Variants in CSNK1E observed in about 807,000 individuals in gnomAD.
The protein encoded by CSNK1E is casein kinase I isoform epsilon.
Under a neutral mutation model 46.1 loss-of-function variants are expected in CSNK1E, and 17 were observed. That is an observed-to-expected ratio of 0.37 (90% CI 0.25 to 0.55). The LOEUF (loss-of-function observed/expected upper bound fraction) is 0.55. Ranked by LOEUF, CSNK1E falls within the 20% of genes least tolerant of loss-of-function variation. CSNK1E has a pLI of 0.82. For missense variants in CSNK1E, 386 were observed against 595.4 expected (o/e 0.65, Z 3.66); for synonymous variants, 241 against 242.6 (o/e 0.99, Z 0.06).
At chr22:38,314,259 C>T (rs1602565037) in intron 1 of CSNK1E, 90 bp from the exon 2 acceptor site, 1 of 963,300 alleles carries the variant, frequency 1.0e-6, no homozygotes, top group East Asian at 2.6e-5. Context: ...CCACCAGGAA[C>T]TCGAAAACCT....
intron 7 of CSNK1E, chr22:38,296,623 C>T (rs1569076009): frequency 6.8e-6 from 11 of 1,612,838 alleles, no homozygotes; most frequent in Non-Finnish European, 9.3e-6. Flanking sequence ...CCAGGGCCTG[C>T]CTCAAGAGGG....
Position 38,300,803 on chromosome 22 carries a change from G to T in CSNK1E, c.486C>A (p.His162Gln), listed in dbSNP as rs1261710558. ...TGTTTTCCCGGTAGGGAATGTGCTG[G>T]TGGGTGCGGGCGTCCCGGTACTTCT... Reference protein sequence around the residue: ...LAKKYRDARTHQHIPYRENKN... With the variant: ...LAKKYRDARTQQHIPYRENKN... The change falls in exon 5 of 11, where the codon CAC (histidine) becomes CAA (glutamine). Residue 162 changes from histidine (H) to glutamine (Q), a missense_variant. Transcript: ENST00000396832. The surrounding 1 kb of genome is among the most constrained non-coding windows in gnomAD (Gnocchi z 4.4). The T allele has an allele frequency of 6.2e-7, 1 of 1,614,152 alleles. No homozygotes were observed. The highest frequency in any genetic ancestry group is 8.5e-7 in the Non-Finnish European group (1 of 1,180,056).
At position 38,300,071 on chromosome 22, in the gene CSNK1E, C is replaced by A; in HGVS notation, c.566-6G>T. The A allele has an allele frequency of 6.2e-7, 1 of 1,612,950 alleles. No homozygotes were observed. Among genetic ancestry groups the A allele is most frequent in the Non-Finnish European group, 8.5e-7 (1 of 1,179,438 alleles). On this transcript the variant is annotated splice_polypyrimidine_tract_variant and splice_region_variant and intron_variant, in intron 5 of 10. Coordinates refer to ENST00000396832, the MANE Select transcript of CSNK1E (RefSeq NM_152221.3). This position sits in a 1 kb window ranked among gnomAD's most constrained non-coding sequence, Gnocchi z 4.4. ...GTCATCTCGACGGCTTTGCTCTGCA[C>A]AGAGAGTCAAAGACTAGGTGAGGGA...
chr22:38,307,581 T>C (rs1463212060), intron 2 of CSNK1E, among the ~76,000 whole-genome samples: 3 of 152,136 alleles, frequency 2.0e-5, no homozygotes, highest in Non-Finnish European at 2.9e-5. Flanking sequence ...AGGATGCGCG[T>C]AGCTTATATA....
rs958543571 is a variant in CSNK1E at position 38,298,137 on chromosome 22, G to A, written c.885+649C>T. ...GTGGGCCCAGCACAGGGACAGGGGC[G>A]GGGACAGAAAGGTCCCTTCGCTGTC... On this transcript the variant is annotated intron_variant, in intron 7 of 10. Coordinates refer to ENST00000396832, the MANE Select transcript of CSNK1E (RefSeq NM_152221.3). The surrounding 1 kb of genome is among the most constrained non-coding windows in gnomAD (Gnocchi z 4.2). 4.2e-5 allele frequency: 54 copies of A among 1,294,984 alleles called. No individual in the cohort carries two copies. The highest frequency in any genetic ancestry group is 1.1e-4 in the East Asian group (2 of 17,934). 80.2% of individuals were successfully genotyped at this position (1,294,984 alleles called of 1,614,324 possible). A position where few individuals can be genotyped will look rare whatever the true frequency, so the allele number is the denominator to read the frequency against.
Position 38,303,929 on chromosome 22 carries a change from C to G in CSNK1E, c.77-681G>C, listed in dbSNP as rs904329057. ...GGTCAGAGGTCCTGCCTGCACCTCC[C>G]CGTCTCCCCCAGTCCACTCCTGGCT... is the stretch of plus-strand genomic sequence containing the variant. On this transcript the variant is annotated intron_variant, in intron 2 of 10. Transcript: ENST00000396832. The surrounding 1 kb of genome is among the most constrained non-coding windows in gnomAD (Gnocchi z 4.7). Among the ~76,000 whole-genome samples, 1 of 152,170 alleles carries G rather than the reference C, an allele frequency of 6.6e-6. No homozygotes were observed. Among genetic ancestry groups the G allele is most frequent in the African/African-American group, 2.4e-5 (1 of 41,432 alleles).
intron 4 of CSNK1E, among the ~76,000 whole-genome samples, 176 bp downstream of exon 4, chr22:38,302,685 T>C (rs1297396113): frequency 6.6e-6 from 1 of 152,210 alleles, no homozygotes; most frequent in East Asian, 1.9e-4. Context: ...CGCTCCAGCC[T>C]GGGCGACAGA....
chr22:38,292,939 C>T, intron 10 of CSNK1E: 1 of 383,376 alleles, frequency 2.6e-6, no homozygotes, highest in South Asian at 2.5e-5. Context: ...GCCCATGGCC[C>T]CGTCTCTGCT....
chr22:38,293,190 T>G, intron 10 of CSNK1E, 65 bp downstream of exon 10: 4 of 1,318,522 alleles, frequency 3.0e-6, no homozygotes, highest in Non-Finnish European at 4.4e-6. Flanking sequence ...ATTGGTCTCT[T>G]TCTGGGGCCC....
At chr22:38,297,723 C>T (rs1474862973) in intron 7 of CSNK1E, 1 of 995,418 alleles carries the variant, frequency 1.0e-6, no homozygotes, top group Non-Finnish European at 1.2e-6. Flanking sequence ...GGCCACCATC[C>T]CTCCCTCAGG....
intron 1 of CSNK1E, chr22:38,316,798 A>G (rs1014743215): frequency 2.6e-5 from 4 of 151,962 alleles, no homozygotes; most frequent in Non-Finnish European, 5.9e-5. Context: ...CCGAATCAAC[A>G]GTATCCGGCG....
chr22:38,293,450 C>T, intron 9 of CSNK1E, 131 bp from the exon 10 acceptor site: 2 of 626,180 alleles, frequency 3.2e-6, no homozygotes, highest in Admixed American at 2.9e-5. Flanking sequence ...CCCCCACCCC[C>T]ACCTCCAGGC....
intron 4 of CSNK1E, 107 bp downstream of exon 4, chr22:38,302,754 G>A (rs2092679709): frequency 7.6e-7 from 1 of 1,316,812 alleles, no homozygotes; most frequent in African/African-American, 1.5e-5. Context: ...AGTGGACAAG[G>A]TCCCCTGGCC....
In CSNK1E at chr22:38,294,222, G is replaced by A. The variant is rs756435541; in HGVS notation, c.1105C>T (p.Arg369Trp). The A allele has an allele frequency of 3.1e-6, 5 of 1,612,350 alleles. No homozygotes were observed. Among genetic ancestry groups the A allele is most frequent in the East Asian group, 4.5e-5 (2 of 44,872 alleles). The part of the protein sequence containing the change: ...AGNTSPRAIS[R>W]VDRERKVSMR... ...CTCACCTTCCTCTCCCGGTCGACCCGCGAGATCGCTCTGGGAGAAGTATTG... is the reference window on the plus strand; with the variant it reads ...CTCACCTTCCTCTCCCGGTCGACCCACGAGATCGCTCTGGGAGAAGTATTG... Residue 369 changes from arginine to tryptophan, a missense_variant, in exon 9 of 11, where the codon CGG becomes TGG. This residue lies in a region of CSNK1E where 174 missense variants were observed against 185.2 expected (regional missense o/e 0.94). Coordinates refer to ENST00000396832, the MANE Select transcript of CSNK1E (RefSeq NM_152221.3). This position sits in a 1 kb window ranked among gnomAD's most constrained non-coding sequence, Gnocchi z 5.5.
intron 7 of CSNK1E, chr22:38,297,284 C>G: frequency 1.6e-6 from 1 of 632,130 alleles, no homozygotes; most frequent in South Asian, 1.8e-5. Flanking sequence ...GTGGAAAGAG[C>G]TGGTCCCAGG....
intron 2 of CSNK1E, among the ~76,000 whole-genome samples, chr22:38,311,146 G>A (rs116129936): frequency 1.3e-5 from 2 of 152,216 alleles, no homozygotes; most frequent in African/African-American, 2.4e-5. Flanking sequence ...GGGGCGCAGC[G>A]CACAGCACTA....
At position 38,298,933 on chromosome 22, in the gene CSNK1E, G is replaced by A. The variant is rs140218726; in HGVS notation, c.738C>T (p.Ser246=). ...PIEVLCKGYP[S]EFSTYLNFCR... ...AGAAGTTGAGGTATGTTGAGAATTC[G>A]GCTGGAGGGTGTTGCAGAGGATAGA... Residue 246 remains serine (S), a splice_region_variant and synonymous_variant, in exon 7 of 11, where the codon TCC becomes TCT. Coordinates refer to ENST00000396832, the MANE Select transcript of CSNK1E (RefSeq NM_152221.3). The surrounding 1 kb of genome is among the most constrained non-coding windows in gnomAD (Gnocchi z 4.2). The A allele has an allele frequency of 2.2e-5, 36 of 1,614,024 alleles. 1 individual carries two copies. The highest frequency in any genetic ancestry group is 9.3e-5 in the African/African-American group (7 of 74,918).
Position 38,294,292 on chromosome 22 carries a change from G to C in CSNK1E, c.1079-44C>G, listed in dbSNP as rs2092627932. ...GCCACCCTCAGAGTAGGCACAAACA[G>C]AGCCCCCCACCCACCCTGAACCCAG... On this transcript the variant is annotated intron_variant, in intron 8 of 10. Coordinates refer to ENST00000396832, the MANE Select transcript of CSNK1E (RefSeq NM_152221.3). The surrounding 1 kb of genome is among the most constrained non-coding windows in gnomAD (Gnocchi z 5.5). The C allele has an allele frequency of 6.2e-7, 1 of 1,601,134 alleles. No individual in the cohort carries two copies. The highest frequency in any genetic ancestry group is 1.1e-5 in the South Asian group (1 of 90,324).
At position 38,294,760 on chromosome 22, in the gene CSNK1E, A is replaced by G. The variant is rs752843091; in HGVS notation, c.886-226T>C. Among the ~76,000 whole-genome samples, 1 of 152,216 alleles carries G rather than the reference A, an allele frequency of 6.6e-6. No individual in the cohort carries two copies. Among genetic ancestry groups the G allele is most frequent in the African/African-American group, 2.4e-5 (1 of 41,460 alleles). ...AAGGAGAAAGCAGGAGTCTGGGGGC[A>G]GAGGGAGGTCAGTCTGCCCTGCTCT... is the stretch of plus-strand genomic sequence containing the variant. On this transcript the variant is annotated intron_variant, in intron 7 of 10. Coordinates refer to ENST00000396832, the MANE Select transcript of CSNK1E (RefSeq NM_152221.3). The surrounding 1 kb of genome is among the most constrained non-coding windows in gnomAD (Gnocchi z 5.5).
Sources: gnomAD v4.1 joint callset for allele counts (sites outside exome capture counted in the v4.1 genomes callset) on GRCh38, gnomAD v4.1.1 for gene constraint, gnomAD v4.1.1 regional missense constraint, Gnocchi (gnomAD v3.1) non-coding constraint, MANE v1.5 for transcripts, NCBI Gene and HGNC (gene_info 2026-07-23, HGNC 2026-07-21) for gene names.